Variants in NRK observed in about 807,000 individuals in gnomAD.
The protein encoded by NRK is Nik related kinase, also known as nik-related protein kinase.
A neutral mutation model predicts 125.2 loss-of-function variants in NRK; 67 were observed. The ratio of observed to expected loss-of-function variants is 0.54; its 90% CI spans 0.44 to 0.66. The LOEUF (loss-of-function observed/expected upper bound fraction) is 0.66, where lower values mean the gene tolerates loss of function less well. Ranked by LOEUF, NRK falls within the 30% of genes least tolerant of loss-of-function variation. The probability of loss-of-function intolerance (pLI) is 0.00; values close to 1 mark genes in which losing one functional copy is unlikely to be tolerated. For missense variants in NRK, 1,224 were observed against 1,192.9 expected (o/e 1.03, Z -0.38); for synonymous variants, 458 against 429.0 (o/e 1.07, Z -0.84).
At chrX:105,846,647 A>C (rs892304048) in intron 2 of NRK, among the ~76,000 whole-genome samples, 14 of 111,408 alleles carry the variant, frequency 1.3e-4, no homozygotes, top group African/African-American at 4.6e-4. Context: ...CTTAGTGGAG[A>C]CAGAGATAGA....
intron 2 of NRK, among the ~76,000 whole-genome samples, chrX:105,833,074 T>C (rs183164857): frequency 6.7e-4 from 74 of 111,028 alleles, no homozygotes; most frequent in Admixed American, 1.5e-3. Context: ...AAAGCACCCA[T>C]AGCATAGAAA....
rs1348989370 is a variant in NRK at position 105,906,415 on chromosome X, T to C, written c.847T>C (p.Ser283Pro). Reference protein sequence around the residue: ...SAPTVKSSGWSRKFHNFMEKC... With the variant: ...SAPTVKSSGWPRKFHNFMEKC... ...TCCTCTCTTTGACTCATTTTTTAGGTCCCGTAAGTTCCACAATTTCATGGA... is the reference window on the plus strand; with the variant it reads ...TCCTCTCTTTGACTCATTTTTTAGGCCCCGTAAGTTCCACAATTTCATGGA... The change falls in exon 11 of 29, where the codon TCC becomes CCC. Residue 283 changes from serine (S) to proline (P), a missense_variant and splice_region_variant. By Grantham distance (74) the Ser-to-Pro change is moderately conservative. Coordinates refer to ENST00000243300, the MANE Select transcript of NRK (RefSeq NM_198465.4). 3 of 1,141,529 alleles carry C rather than the reference T, an allele frequency of 2.6e-6. No individual in the cohort carries two copies. The highest frequency in any genetic ancestry group is 3.5e-6 in the Non-Finnish European group (3 of 851,288). The allele number at this position is 1,141,529 out of a possible 1,213,427, so 94.1% of individuals were successfully genotyped here. A position where few individuals can be genotyped will look rare whatever the true frequency, so the allele number is the denominator to read the frequency against.
At chrX:105,857,808 TAAAAC>T (rs1473863637) in intron 2 of NRK, among the ~76,000 whole-genome samples, 9 of 112,043 alleles carry the variant, frequency 8.0e-5, no homozygotes, top group Non-Finnish European at 1.5e-4. Context: ...AATCAATAGT[TAAAAC>T]TAACTCTGCA....
At chrX:105,902,369 C>T (rs1479722722) in intron 9 of NRK, among the ~76,000 whole-genome samples, 1 of 111,533 alleles carries the variant, frequency 9.0e-6, no homozygotes, top group Non-Finnish European at 1.9e-5. Flanking sequence ...TCTCTTTTAC[C>T]GGTGTCCTTT....
intron 14 of NRK, 116 bp downstream of exon 14, chrX:105,912,871 T>C (rs2040320470): frequency 9.0e-6 from 3 of 331,945 alleles, no homozygotes; most frequent in Non-Finnish European, 1.6e-5. Flanking sequence ...CTCAAAAAGC[T>C]TTCATTTTTT....
chrX:105,919,784 T>C (rs961210781), intron 16 of NRK, among the ~76,000 whole-genome samples: 1 of 112,075 alleles, frequency 8.9e-6, no homozygotes, highest in Non-Finnish European at 1.9e-5. Context: ...TTGTAGATTC[T>C]GGATATTAGC....
chrX:105,922,007 T>A lies in NRK; in HGVS notation c.2556T>A (p.Ser852=). 1 of 1,187,542 alleles carries A rather than the reference T, an allele frequency of 8.4e-7. No individual in the cohort carries two copies. The highest frequency in any genetic ancestry group is 1.1e-6 in the Non-Finnish European group (1 of 875,470). Residue 852 remains serine, a synonymous_variant, in exon 17 of 29, where the codon TCT becomes TCA. Transcript: ENST00000243300. The stretch of plus-strand genomic sequence containing the variant: ...AAAGTCCTGTGACTGGAAGGAGGTC[T>A]CAGTCATCACCACCTTATTCTACTA... ...EEESPVTGRR[S]QSSPPYSTID...
chrX:105,895,140 G>T, intron 6 of NRK: 1 of 472,437 alleles, frequency 2.1e-6, no homozygotes, highest in South Asian at 3.0e-5. Context: ...GAAATACGGA[G>T]GCTAAAAAGG....
At chrX:105,849,272 T>C (rs1035256236) in intron 2 of NRK, among the ~76,000 whole-genome samples, 6 of 111,542 alleles carry the variant, frequency 5.4e-5, no homozygotes, top group African/African-American at 2.0e-4. Flanking sequence ...TTCACTATCA[T>C]GAGAATAGCA....
chrX:105,917,434 A>T (rs1248112536), intron 15 of NRK, 144 bp from the exon 16 acceptor site: 2 of 319,972 alleles, frequency 6.3e-6, no homozygotes, highest in Non-Finnish European at 1.1e-5. Context: ...GGAAACTGGA[A>T]ATTATTACTC....
intron 2 of NRK, among the ~76,000 whole-genome samples, chrX:105,867,946 A>T (rs2039693350): frequency 8.9e-6 from 1 of 111,776 alleles, no homozygotes; most frequent in Admixed American, 9.6e-5. Flanking sequence ...TAATACTTTC[A>T]AAGACCTTGT....
rs772736807 is a variant in NRK at position 105,921,999 on chromosome X, A to T, written c.2548A>T (p.Arg850Trp). Reference sequence around the variant, plus strand: ...TGAGGAAGAAAGTCCTGTGACTGGAAGGAGGTCTCAGTCATCACCACCTTA... The same window carrying T: ...TGAGGAAGAAAGTCCTGTGACTGGATGGAGGTCTCAGTCATCACCACCTTA... The part of the protein sequence containing the change: ...SSEEESPVTG[R>W]RSQSSPPYST... The change falls in exon 17 of 29, where the codon AGG (arginine) becomes TGG (tryptophan). Residue 850 changes from arginine to tryptophan, a missense_variant. By Grantham distance (101) the Arg-to-Trp change is moderately radical. Transcript: ENST00000243300. The T allele has an allele frequency of 3.7e-5, 44 of 1,179,632 alleles. No individual in the cohort carries two copies. The highest frequency in any genetic ancestry group is 4.7e-5 in the Non-Finnish European group (41 of 869,941).
rs372451131 is a variant in NRK, at chrX:105,934,458, A to G, written c.3499+14A>G. 56 of 1,091,759 alleles carry G rather than the reference A, an allele frequency of 5.1e-5. No individual in the cohort carries two copies. In the South Asian group the frequency reaches 7.6e-4, roughly 15 times the overall value. 90.0% of individuals were successfully genotyped at this position (1,091,759 alleles called of 1,213,427 possible). A position where few individuals can be genotyped will look rare whatever the true frequency, so the allele number is the denominator to read the frequency against. ...CCAGTGCCATCTGTGAGTGTGTTCA[A>G]TGTAATCTCTAAATGCTACTATCTG... On this transcript the variant is annotated intron_variant, in intron 20 of 28. Coordinates refer to ENST00000243300, the MANE Select transcript of NRK (RefSeq NM_198465.4).
intron 2 of NRK, among the ~76,000 whole-genome samples, chrX:105,855,313 A>G (rs1435502928): frequency 1.8e-5 from 2 of 112,257 alleles, no homozygotes; most frequent in African/African-American, 3.2e-5. Flanking sequence ...AGAAATAGGA[A>G]AAACTTCATA....
At chrX:105,947,952 G>C (rs1363854249) in intron 26 of NRK, among the ~76,000 whole-genome samples, 1 of 111,953 alleles carries the variant, frequency 8.9e-6, no homozygotes, top group Non-Finnish European at 1.9e-5. Flanking sequence ...TCACACTGTT[G>C]ATAATGTATA....
intron 2 of NRK, among the ~76,000 whole-genome samples, chrX:105,857,212 T>A (rs998402171): frequency 9.0e-6 from 1 of 111,627 alleles, no homozygotes; most frequent in African/African-American, 3.3e-5. Flanking sequence ...CTGTATAATC[T>A]CTGATTAGAA....
chrX:105,835,941 C>T (rs1255521960), intron 2 of NRK, among the ~76,000 whole-genome samples: 3 of 111,704 alleles, frequency 2.7e-5, no homozygotes. Context: ...ATATCTCATG[C>T]ACCTCATAAA....
intron 2 of NRK, among the ~76,000 whole-genome samples, chrX:105,859,728 G>A (rs1273496654): frequency 9.0e-6 from 1 of 111,711 alleles, no homozygotes; most frequent in African/African-American, 3.3e-5. Context: ...CTGCTTTTTA[G>A]TGTTCACTTA....
intron 6 of NRK, chrX:105,895,219 T>G: frequency 1.9e-6 from 1 of 517,344 alleles, no homozygotes; most frequent in Non-Finnish European, 3.5e-6. Context: ...TGTCCTGATT[T>G]ATTTTCCTTT....
Sources: allele counts gnomAD v4.1 joint callset (sites outside exome capture counted in the v4.1 genomes callset), GRCh38; gene constraint gnomAD v4.1.1; transcripts MANE v1.5; gene names NCBI Gene and HGNC (gene_info 2026-07-23, HGNC 2026-07-21).